The following STK33 variants were observed in gnomAD, a reference collection of about 807,000 sequenced individuals.
STK33 encodes the protein serine/threonine-protein kinase 33.
A neutral mutation model predicts 58.0 loss-of-function variants in STK33; 52 were observed. The ratio of observed to expected loss-of-function variants is 0.90; its 90% confidence interval spans 0.72 to 1.13. The LOEUF (loss-of-function observed/expected upper bound fraction) is 1.13. Among genes scored for constraint, STK33 ranks in the 50% most tolerant of loss-of-function variants. The pLI, the probability that STK33 is intolerant of heterozygous loss-of-function variation, is 0.00. For missense variants in STK33, 630 were observed against 604.2 expected (o/e 1.04, Z -0.45); for synonymous variants, 215 against 200.1 (o/e 1.07, Z -0.63).
chr11:8,378,981 A>G, the STK33 span, among the ~76,000 whole-genome samples: 1 of 152,232 alleles, frequency 6.6e-6, no homozygotes. Flanking sequence ...GAACACAGAA[A>G]TAAAGCTAAA....
At chr11:8,505,600 G>A (rs868452327) in intron 1 of STK33, among the ~76,000 whole-genome samples, 3 of 152,106 alleles carry the variant, frequency 2.0e-5, no homozygotes, top group African/African-American at 7.2e-5. Flanking sequence ...ACGTGTTCTT[G>A]GATCACACAC....
intron 15 of STK33, among the ~76,000 whole-genome samples, 176 bp downstream of exon 15, chr11:8,413,319 G>T (rs189203641): frequency 1.6e-3 from 237 of 152,302 alleles, no homozygotes; most frequent in Middle Eastern, 3.4e-3. Context: ...AAATAAACAT[G>T]TAGGCCACCT....
chr11:8,574,473 T>TA (rs1958040851), intron 1 of STK33, among the ~76,000 whole-genome samples: 1 of 152,144 alleles, frequency 6.6e-6, no homozygotes, highest in Non-Finnish European at 1.5e-5. Context: ...GTAAAGAAAT[T>TA]AAATTCTTAG....
chr11:8,360,880 CACTT>C, the STK33 span, among the ~76,000 whole-genome samples: 8 of 152,232 alleles, frequency 5.3e-5, no homozygotes, highest in East Asian at 3.8e-4. Context: ...TTAAAGGTCT[CACTT>C]GCTTGGTTTA....
chr11:8,575,390 G>A (rs1958106449), intron 1 of STK33, among the ~76,000 whole-genome samples: 1 of 152,022 alleles, frequency 6.6e-6, no homozygotes, highest in African/African-American at 2.4e-5. Context: ...AACAAACTGT[G>A]GTATACGGAC....
chr11:8,530,715 A>G (rs1954462515), intron 1 of STK33, among the ~76,000 whole-genome samples: 1 of 152,068 alleles, frequency 6.6e-6, no homozygotes, highest in Non-Finnish European at 1.5e-5. Context: ...TTTGAGACAG[A>G]CTCTTGCTCT....
chr11:8,483,694 C>T (rs375646646), intron 1 of STK33, among the ~76,000 whole-genome samples: 1 of 152,152 alleles, frequency 6.6e-6, no homozygotes, highest in South Asian at 2.1e-4. Context: ...CAAGAATAGG[C>T]TCCAGCCAGT....
the STK33 span, among the ~76,000 whole-genome samples, chr11:8,359,320 T>C: frequency 3.3e-5 from 5 of 152,194 alleles, no homozygotes; most frequent in Admixed American, 6.5e-5. Flanking sequence ...TTGAGGGAAA[T>C]GCATGCTGAA....
At position 8,413,544 on chromosome 11, in the gene STK33, C is replaced by T. The variant is rs377485276; in HGVS notation, c.1295G>A (p.Gly432Glu). Residue 432 changes from glycine (G) to glutamate (E), a missense_variant, in exon 15 of 16, where the codon GGA (glycine) becomes GAA (glutamate). Gly to Glu is a moderately conservative substitution (Grantham distance 98). Transcript: ENST00000687296. ...AGTGTAATTGGCATCAGGGACATTTCCCCAGGGTTGGTAACTTTTCAACTT... is the reference window on the plus strand; with the variant it reads ...AGTGTAATTGGCATCAGGGACATTTTCCCAGGGTTGGTAACTTTTCAACTT... The part of the protein sequence containing the change: ...EEKLKSYQPW[G>E]NVPDANYTSD... 42 of 1,613,896 alleles carry T rather than the reference C, an allele frequency of 2.6e-5. No homozygotes were observed. The highest frequency in any genetic ancestry group is 5.3e-5 in the African/African-American group (4 of 74,902).
At chr11:8,445,100 C>T (rs1378756218) in intron 11 of STK33, among the ~76,000 whole-genome samples, 1 of 152,200 alleles carries the variant, frequency 6.6e-6, no homozygotes, top group Non-Finnish European at 1.5e-5. Context: ...AGGTCCTTCA[C>T]ATCCCTGATA....
At chr11:8,354,519 C>CCCT in the STK33 span, among the ~76,000 whole-genome samples, 1 of 148,870 alleles carries the variant, frequency 6.7e-6, no homozygotes, top group Non-Finnish European at 1.5e-5. Context: ...CACACACACC[C>CCCT]CTCAGACACC....
intron 1 of STK33, among the ~76,000 whole-genome samples, chr11:8,538,737 T>C (rs1047380830): frequency 2.6e-5 from 4 of 152,224 alleles, no homozygotes; most frequent in African/African-American, 9.6e-5. Flanking sequence ...CGAATGCTTG[T>C]TGAATGAATG....
Position 8,478,361 on chromosome 11 carries a change from A to C in STK33, c.-260-1078T>G, listed in dbSNP as rs1949478872. On this transcript the variant is annotated intron_variant, in intron 2 of 15. Transcript: ENST00000687296. ...CAATAATGTTTCTTTGTGTCTCCAA[A>C]GATTGGACATACATAGGTACTGGAC... is the stretch of plus-strand genomic sequence containing the variant. Among the ~76,000 whole-genome samples, 3 of 152,198 alleles carry C rather than the reference A, an allele frequency of 2.0e-5. No homozygotes were observed. The South Asian group carries it at 6.2e-4, about 31-fold the overall frequency.
intron 12 of STK33, among the ~76,000 whole-genome samples, chr11:8,437,868 T>G: frequency 6.6e-6 from 1 of 152,208 alleles, no homozygotes; most frequent in East Asian, 1.9e-4. Flanking sequence ...TGCAAACTCT[T>G]ATTTTAATAC....
chr11:8,343,677 T>C, the STK33 span, among the ~76,000 whole-genome samples: 1 of 152,152 alleles, frequency 6.6e-6, no homozygotes, highest in Non-Finnish European at 1.5e-5. Context: ...GTCTCATAGC[T>C]GGCCTCTCCC....
At chr11:8,366,842 G>A in the STK33 span, among the ~76,000 whole-genome samples, 7 of 152,216 alleles carry the variant, frequency 4.6e-5, no homozygotes, top group East Asian at 1.9e-4. Flanking sequence ...AGCCTTCAGC[G>A]CTGAAGGTTA....
In STK33 at chr11:8,392,514, A is replaced by C. The variant is rs147967475; in HGVS notation, c.1541T>G (p.Leu514Arg). The change falls in exon 16 of 16, where the codon CTC becomes CGC. Residue 514 changes from leucine to arginine, a missense_variant. Leu to Arg is a moderately radical substitution (Grantham distance 102). Coordinates refer to ENST00000687296, the MANE Select transcript of STK33 (RefSeq NM_001352389.2). ...TGTCCAACACTGGAGGGAACCTTAG[A>C]GTTTCTTTTTGGTTCTGGACAGGGC... ...SGALSRTKKKL is the reference protein window; with the variant it reads ...SGALSRTKKKR The C allele has an allele frequency of 2.5e-6, 4 of 1,613,948 alleles. No homozygotes were observed. In the Admixed American group the frequency reaches 5.0e-5, roughly 20 times the overall value.
chr11:8,401,281 A>C lies in STK33; in HGVS notation c.1345-8571T>G, dbSNP rs1020156659. ...GGTACCAAAACAGAGATATAGACCAATGGAACAGAACAGAGCCCTCAGAAA... is the reference window on the plus strand; with the variant it reads ...GGTACCAAAACAGAGATATAGACCACTGGAACAGAACAGAGCCCTCAGAAA... On this transcript the variant is annotated intron_variant, in intron 15 of 15. Coordinates refer to ENST00000687296, the MANE Select transcript of STK33 (RefSeq NM_001352389.2). 1.4e-3 allele frequency among the ~76,000 whole-genome samples: 210 copies of C among 152,272 alleles called. 1 individual carries two copies. Among genetic ancestry groups the C allele is most frequent in the Non-Finnish European group, 2.1e-3 (144 of 68,024 alleles).
At chr11:8,429,560 C>T (rs1447416357) in intron 14 of STK33, among the ~76,000 whole-genome samples, 2 of 152,152 alleles carry the variant, frequency 1.3e-5, no homozygotes, top group Non-Finnish European at 2.9e-5. Context: ...TTCCCACTCA[C>T]TGCCCTAGTT....
Sources: gnomAD v4.1 joint callset for allele counts (sites outside exome capture counted in the v4.1 genomes callset) on GRCh38, gnomAD v4.1.1 for gene constraint, MANE v1.5 for transcripts, NCBI Gene and HGNC (gene_info 2026-07-23, HGNC 2026-07-21) for gene names.